TMEM267: variants seen among roughly 807,000 people sequenced by gnomAD.
TMEM267 encodes the protein transmembrane protein C5orf28.
A neutral mutation model predicts 19.3 loss-of-function variants in TMEM267; 20 were observed. The ratio of observed to expected loss-of-function variants is 1.04; its 90% CI spans 0.73 to 1.51. TMEM267 has a LOEUF of 1.51. Among genes scored for constraint, TMEM267 ranks in the 40% most tolerant of loss-of-function variants. The pLI, the probability that TMEM267 is intolerant of heterozygous loss-of-function variation, is 0.00. For missense variants in TMEM267, 242 were observed against 261.9 expected, an observed-to-expected ratio of 0.92 and a Z score of 0.52; for synonymous variants, 88 against 90.3, an observed-to-expected ratio of 0.97 and a Z score of 0.15.
At chr5:43,482,935 G>A (rs1202580041) in intron 1 of TMEM267, among the ~76,000 whole-genome samples, 1 of 144,756 alleles carries the variant, frequency 6.9e-6, no homozygotes, top group African/African-American at 2.5e-5. Context: ...CATTCTCTAA[G>A]TAAGTGTCAT....
intron 1 of TMEM267, among the ~76,000 whole-genome samples, chr5:43,472,567 A>G (rs1744146518): frequency 1.3e-5 from 2 of 152,228 alleles, no homozygotes; most frequent in South Asian, 4.1e-4. Flanking sequence ...ATGAATGGAT[A>G]AAGAAAATAT....
At chr5:43,474,586 C>A (rs771373120) in intron 1 of TMEM267, among the ~76,000 whole-genome samples, 1 of 151,924 alleles carries the variant, frequency 6.6e-6, no homozygotes, top group Non-Finnish European at 1.5e-5. Flanking sequence ...ACGGAGAAAT[C>A]CCATCTCTAC....
At chr5:43,454,106 A>T (rs1047548080) in intron 1 of TMEM267, 63 bp from the exon 2 acceptor site, 7 of 1,141,874 alleles carry the variant, frequency 6.1e-6, no homozygotes, top group African/African-American at 3.1e-5. Context: ...ATATTTAAAC[A>T]AAACAGTATC....
chr5:43,458,620 AT>A (rs1743087054), intron 1 of TMEM267, among the ~76,000 whole-genome samples: 1 of 152,322 alleles, frequency 6.6e-6, no homozygotes, highest in African/African-American at 2.4e-5. Flanking sequence ...AGTTTCATAC[AT>A]ATGTCAAAAC....
chr5:43,468,124 T>TG (rs1381895653), intron 1 of TMEM267, among the ~76,000 whole-genome samples: 5 of 76,616 alleles, frequency 6.5e-5, no homozygotes, highest in South Asian at 4.8e-4. Context: ...GGAAGGGGAG[T>TG]GGGGGGGCGG....
chr5:43,471,824 C>G (rs947098582), intron 1 of TMEM267, among the ~76,000 whole-genome samples: 1 of 152,068 alleles, frequency 6.6e-6, no homozygotes, highest in Admixed American at 6.6e-5. Context: ...ATCTATACTT[C>G]AAACTATTAA....
intron 2 of TMEM267, among the ~76,000 whole-genome samples, chr5:43,452,947 T>C (rs1211236386): frequency 6.6e-6 from 1 of 152,236 alleles, no homozygotes; most frequent in Non-Finnish European, 1.5e-5. Flanking sequence ...TCCTGAAATG[T>C]TTATAGATCA....
intron 2 of TMEM267, among the ~76,000 whole-genome samples, chr5:43,450,231 T>C (rs1053578628): frequency 6.6e-6 from 1 of 152,138 alleles, no homozygotes; most frequent in Non-Finnish European, 1.5e-5. Flanking sequence ...TGGCCTCAAG[T>C]GATCCTCCCA....
At chr5:43,459,645 C>T (rs1743141350) in intron 1 of TMEM267, among the ~76,000 whole-genome samples, 1 of 152,152 alleles carries the variant, frequency 6.6e-6, no homozygotes, top group Non-Finnish European at 1.5e-5. Context: ...ATTCACATCA[C>T]AGTAAAGTTC....
At chr5:43,469,944 A>G (rs1180301006) in intron 1 of TMEM267, among the ~76,000 whole-genome samples, 1 of 152,234 alleles carries the variant, frequency 6.6e-6, no homozygotes, top group Non-Finnish European at 1.5e-5. Context: ...CACCTGAGAC[A>G]AATGGATATC....
chr5:43,448,562 A>G (rs951610727), intron 2 of TMEM267, among the ~76,000 whole-genome samples: 3 of 152,194 alleles, frequency 2.0e-5, no homozygotes, highest in African/African-American at 7.2e-5. Flanking sequence ...TGATCACCTG[A>G]GGTCAGGAGC....
At chr5:43,479,817 G>C in intron 1 of TMEM267, 1 of 409,540 alleles carries the variant, frequency 2.4e-6, no homozygotes, top group Non-Finnish European at 4.7e-6. Flanking sequence ...ATTCTTCCAG[G>C]ATCTGGAAAT....
In TMEM267 at chr5:43,475,027, GTA is replaced by G. The variant is rs753498566; in HGVS notation, c.-75+8793_-75+8794del. Among the ~76,000 whole-genome samples, 277 of 152,278 alleles carry G rather than the reference GTA, an allele frequency of 1.8e-3. 9 individuals carry two copies. Among genetic ancestry groups the G allele is most frequent in the Middle Eastern group, 3.4e-3 (1 of 294 alleles). On this transcript the variant is annotated intron_variant, in intron 1 of 2. Coordinates refer to ENST00000397080, the MANE Select transcript of TMEM267 (RefSeq NM_022483.5). ...TTTGATCCAGCAATCCCATTCCTGG[GTA>G]TATACCCAAAGGGTTATAAATCATT...
intron 1 of TMEM267, among the ~76,000 whole-genome samples, chr5:43,458,453 G>T (rs1478625279): frequency 6.6e-6 from 1 of 152,132 alleles, no homozygotes; most frequent in Non-Finnish European, 1.5e-5. Flanking sequence ...TTATTTAAAA[G>T]TCTACAAAAT....
In TMEM267 at chr5:43,483,089, T is replaced by C. The variant is rs955402185; in HGVS notation, c.-75+733A>G. On this transcript the variant is annotated intron_variant, in intron 1 of 2. Transcript: ENST00000397080. ...CACTGAACTGTAGTTGCTGTAAACTTAATATATTTAATTTCTTTAATGGAA... is the reference window on the plus strand; with the variant it reads ...CACTGAACTGTAGTTGCTGTAAACTCAATATATTTAATTTCTTTAATGGAA... 2.0e-5 allele frequency among the ~76,000 whole-genome samples: 3 copies of C among 152,322 alleles called. No individual in the cohort carries two copies. In the South Asian group the frequency reaches 6.2e-4, roughly 32 times the overall value.
intron 1 of TMEM267, among the ~76,000 whole-genome samples, chr5:43,457,891 T>C (rs1028942516): frequency 6.6e-6 from 1 of 152,198 alleles, no homozygotes; most frequent in African/African-American, 2.4e-5. Flanking sequence ...CATTTAGAAA[T>C]GTTTTTATTA....
chr5:43,474,203 A>G (rs1339850230), intron 1 of TMEM267, among the ~76,000 whole-genome samples: 1 of 152,246 alleles, frequency 6.6e-6, no homozygotes, highest in Non-Finnish European at 1.5e-5. Context: ...GGCATGGGCA[A>G]AGACTTCGTC....
chr5:43,463,857 G>C (rs988393235), intron 1 of TMEM267, among the ~76,000 whole-genome samples: 6 of 152,136 alleles, frequency 3.9e-5, no homozygotes, highest in Non-Finnish European at 8.8e-5. Context: ...CATACGGAAT[G>C]GGCAAAAACT....
intron 1 of TMEM267, among the ~76,000 whole-genome samples, chr5:43,464,682 C>T (rs1432545395): frequency 6.6e-6 from 1 of 152,208 alleles, no homozygotes; most frequent in Admixed American, 6.5e-5. Flanking sequence ...CTTTGACAAA[C>T]CTGACAAAAA....
Sources: gnomAD v4.1 joint callset for allele counts (sites outside exome capture counted in the v4.1 genomes callset) on GRCh38, gnomAD v4.1.1 for gene constraint, MANE v1.5 for transcripts, NCBI Gene and HGNC (gene_info 2026-07-23, HGNC 2026-07-21) for gene names.